The following STXBP5L variants were observed in gnomAD, a reference collection of about 807,000 sequenced individuals.
The protein encoded by STXBP5L is syntaxin-binding protein 5-like.
STXBP5L carries 65 observed loss-of-function variants against 144.5 expected under a neutral mutation model. The observed-to-expected ratio is 0.45, with a 90% CI of 0.37 to 0.55. The LOEUF is 0.55. Among genes scored for constraint, STXBP5L ranks in the 20% least tolerant of loss-of-function variants. STXBP5L has a pLI of 0.00. For synonymous variants in STXBP5L, 505 were observed against 469.6 expected, an observed-to-expected ratio of 1.08 and a Z score of -0.97; for missense variants, 1,298 against 1,405.5, an observed-to-expected ratio of 0.92 and a Z score of 1.22.
chr3:121,173,294 G>T (rs931589969), intron 9 of STXBP5L, among the ~76,000 whole-genome samples: 2 of 149,446 alleles, frequency 1.3e-5, no homozygotes, highest in African/African-American at 2.5e-5. Flanking sequence ...AAACCTGCAC[G>T]CTTTGTGCAT....
chr3:121,264,870 TC>T (rs2050508384), intron 18 of STXBP5L, among the ~76,000 whole-genome samples: 1 of 144,732 alleles, frequency 6.9e-6, no homozygotes, highest in Non-Finnish European at 1.5e-5. Context: ...CAACCAAAGA[TC>T]AAAAAAGACA....
At chr3:121,051,237 A>G (rs1430703181) in intron 5 of STXBP5L, among the ~76,000 whole-genome samples, 2 of 152,198 alleles carry the variant, frequency 1.3e-5, no homozygotes, top group African/African-American at 4.8e-5. Flanking sequence ...AAGCAGACCT[A>G]ATAGACATCT....
chr3:121,335,912 G>T (rs1402400817), intron 20 of STXBP5L, among the ~76,000 whole-genome samples: 1 of 152,116 alleles, frequency 6.6e-6, no homozygotes, highest in African/African-American at 2.4e-5. Context: ...GGCAAAAAGT[G>T]ATAAATGGGA....
intron 2 of STXBP5L, among the ~76,000 whole-genome samples, chr3:120,928,682 T>C (rs1191172697): frequency 2.0e-5 from 3 of 149,864 alleles, no homozygotes; most frequent in Non-Finnish European, 4.4e-5. Flanking sequence ...GTGTGTCTTA[T>C]ACAACACAAT....
At chr3:121,320,042 A>G (rs149472410) in intron 20 of STXBP5L, among the ~76,000 whole-genome samples, 2 of 152,352 alleles carry the variant, frequency 1.3e-5, no homozygotes, top group East Asian at 3.9e-4. Context: ...ACTTTTATAA[A>G]GAATTTGTCA....
intron 21 of STXBP5L, among the ~76,000 whole-genome samples, chr3:121,380,030 C>CTACAAA (rs1306275292): frequency 1.3e-5 from 2 of 152,014 alleles, no homozygotes; most frequent in Admixed American, 6.6e-5. Flanking sequence ...GACAGTGTCT[C>CTACAAA]ACTAAGTTGC....
intron 3 of STXBP5L, among the ~76,000 whole-genome samples, chr3:120,975,333 G>C (rs904452185): frequency 6.6e-6 from 1 of 152,040 alleles, no homozygotes; most frequent in Non-Finnish European, 1.5e-5. Flanking sequence ...CTCATGATTT[G>C]GCTCTTTGTT....
At chr3:121,326,053 C>G (rs2044135530) in intron 20 of STXBP5L, among the ~76,000 whole-genome samples, 1 of 150,734 alleles carries the variant, frequency 6.6e-6, no homozygotes, top group Non-Finnish European at 1.5e-5. Flanking sequence ...GTTTATAACT[C>G]AAAATAGACA....
intron 11 of STXBP5L, among the ~76,000 whole-genome samples, chr3:121,227,388 T>C (rs1353018101): frequency 6.6e-6 from 1 of 152,148 alleles, no homozygotes; most frequent in Non-Finnish European, 1.5e-5. Context: ...AAGACCAGCC[T>C]GCACAACATA....
chr3:121,211,578 C>CT (rs1188424283), intron 10 of STXBP5L, among the ~76,000 whole-genome samples: 78,355 of 110,256 alleles, frequency 0.71, 28,576 homozygotes, highest in East Asian at 0.84. Flanking sequence ...TTTTTTCTTT[C>CT]TTTTTTTTTT....
At chr3:121,125,836 A>G (rs2044678757) in intron 7 of STXBP5L, among the ~76,000 whole-genome samples, 1 of 152,190 alleles carries the variant, frequency 6.6e-6, no homozygotes, top group African/African-American at 2.4e-5. Flanking sequence ...AAATGACACA[A>G]TTCTGAAGAG....
intron 6 of STXBP5L, among the ~76,000 whole-genome samples, chr3:121,117,365 A>C (rs1337345824): frequency 6.6e-6 from 1 of 151,830 alleles, no homozygotes; most frequent in Non-Finnish European, 1.5e-5. Flanking sequence ...CACTTCCTGA[A>C]TGTCTCTTGA....
At chr3:120,974,701 T>A (rs1331901939) in intron 3 of STXBP5L, among the ~76,000 whole-genome samples, 4 of 152,200 alleles carry the variant, frequency 2.6e-5, no homozygotes, top group African/African-American at 9.7e-5. Context: ...CTTTAATCCA[T>A]CTTGAATTAA....
At chr3:121,025,501 C>G (rs1945863467) in intron 3 of STXBP5L, among the ~76,000 whole-genome samples, 1 of 152,216 alleles carries the variant, frequency 6.6e-6, no homozygotes, top group East Asian at 1.9e-4. Context: ...TCAGCTGAAG[C>G]TGAAGCATAG....
In STXBP5L at chr3:120,997,887, A is replaced by G. The variant is rs1943473249; in HGVS notation, c.287+42850A>G. On this transcript the variant is annotated intron_variant, in intron 3 of 26. Coordinates refer to ENST00000471454, the MANE Select transcript of STXBP5L (RefSeq NM_001308330.2). ...CACATCAAAAAGCTGATCCACTAAG[A>G]TCAAATACACTTTATACCTAGAATG... Among the ~76,000 whole-genome samples, 7 of 152,296 alleles carry G rather than the reference A, an allele frequency of 4.6e-5. No individual in the cohort carries two copies. The South Asian group carries it at 1.4e-3, about 32-fold the overall frequency.
In STXBP5L at chr3:121,039,986, C is replaced by T. The variant is rs138553585; in HGVS notation, c.288-1714C>T. On this transcript the variant is annotated intron_variant, in intron 3 of 26. Coordinates refer to ENST00000471454, the MANE Select transcript of STXBP5L (RefSeq NM_001308330.2). ...TAGATGGATGGATAGATAGATCTAT[C>T]TTCTGTATATCTACTTAACATGCTC... 2.9e-3 allele frequency among the ~76,000 whole-genome samples: 448 copies of T among 151,994 alleles called. 2 individuals are homozygous for T. Among genetic ancestry groups the T allele is most frequent in the African/African-American group, 0.01 (420 of 41,500 alleles).
chr3:120,984,524 TG>T (rs1399338198), intron 3 of STXBP5L, among the ~76,000 whole-genome samples: 2 of 151,908 alleles, frequency 1.3e-5, no homozygotes, highest in Non-Finnish European at 2.9e-5. Context: ...ATTTTTTTTT[TG>T]GTGGGGGGAA....
At chr3:120,954,826 C>CT (rs142292885) in intron 2 of STXBP5L, 114 bp from the exon 3 acceptor site, 3,350 of 663,118 alleles carry the variant, frequency 5.1e-3, no homozygotes, top group South Asian at 5.8e-3. Context: ...TTGGTGGTAG[C>CT]TTTTTTTTTT....
chr3:120,993,874 A>G (rs1307656149), intron 3 of STXBP5L, among the ~76,000 whole-genome samples: 1 of 152,054 alleles, frequency 6.6e-6, no homozygotes, highest in Non-Finnish European at 1.5e-5. Flanking sequence ...TTGAATGTAC[A>G]GATGGCTTTG....
Sources: allele counts gnomAD v4.1 joint callset (sites outside exome capture counted in the v4.1 genomes callset), GRCh38; gene constraint gnomAD v4.1.1; transcripts MANE v1.5; gene names NCBI Gene and HGNC (gene_info 2026-07-23, HGNC 2026-07-21).